The following ARSH variants were observed in gnomAD, a reference collection of about 807,000 sequenced individuals.
ARSH encodes the protein arylsulfatase H.
In ARSH, 32 loss-of-function variants were observed where a neutral mutation model predicts 28.7. The ratio of observed to expected loss-of-function variants is 1.11; its 90% CI spans 0.84 to 1.50. The LOEUF is 1.50. ARSH is among the 40% of genes most tolerant of loss of function. The pLI, the probability that ARSH is intolerant of heterozygous loss-of-function variation, is 0.00. For missense variants in ARSH, 440 were observed against 452.4 expected (o/e 0.97, Z 0.25); for synonymous variants, 176 against 177.3 (o/e 0.99, Z 0.06).
At chrX:3,031,132 CAA>C (rs145181081) in intron 8 of ARSH, among the ~76,000 whole-genome samples, 45 of 98,938 alleles carry the variant, frequency 4.5e-4, no homozygotes, top group South Asian at 2.9e-3. Flanking sequence ...GACACTGTCT[CAA>C]AAAAAAAAAA....
chrX:3,029,435 T>C, intron 8 of ARSH, 67 bp downstream of exon 8: 1 of 1,151,946 alleles, frequency 8.7e-7, no homozygotes, highest in Admixed American at 2.4e-5. Flanking sequence ...CTTCGTCTCC[T>C]GGCGGAAGCT....
intron 7 of ARSH, among the ~76,000 whole-genome samples, chrX:3,029,029 G>C: frequency 9.6e-6 from 1 of 103,968 alleles, no homozygotes; most frequent in Non-Finnish European, 2.0e-5. Flanking sequence ...AGTGAGCAGA[G>C]ATCGCACCAT....
At chrX:3,018,778 C>T in intron 5 of ARSH, 108 bp downstream of exon 5, 11 of 842,288 alleles carry the variant, frequency 1.3e-5, no homozygotes, top group African/African-American at 2.0e-5. Context: ...AGCATAGATA[C>T]CTGAAAAGTA....
At chrX:3,032,607 CAG>C (rs2089917606) in intron 8 of ARSH, among the ~76,000 whole-genome samples, 1 of 109,830 alleles carries the variant, frequency 9.1e-6, no homozygotes, top group Non-Finnish European at 1.9e-5. Context: ...GAGGGAGAGA[CAG>C]AAGAGGGAGG....
In ARSH at chrX:3,024,250, A is replaced by C; in HGVS notation, c.1036+95A>C. 3 of 920,957 alleles carry C rather than the reference A, an allele frequency of 3.3e-6. 1 individual carries two copies. The highest frequency in any genetic ancestry group is 6.5e-5 in the South Asian group (2 of 30,542). 75.9% of individuals were successfully genotyped at this position (920,957 alleles called of 1,213,427 possible). ...TGAATTCATTTGCCATGATGTTCAGATATTTTGATGTGAGTTAGACTCTTA... is the reference window on the plus strand; with the variant it reads ...TGAATTCATTTGCCATGATGTTCAGCTATTTTGATGTGAGTTAGACTCTTA... On this transcript the variant is annotated intron_variant, in intron 6 of 8. Transcript: ENST00000381130.
intron 2 of ARSH, 70 bp from the exon 3 acceptor site, chrX:3,012,977 T>C (rs2089855063): frequency 8.8e-7 from 1 of 1,140,654 alleles, no homozygotes; most frequent in African/African-American, 1.8e-5. Context: ...GAGAGGACTT[T>C]AAGCATGTCG....
chrX:3,015,501 A>T, intron 4 of ARSH, 108 bp downstream of exon 4: 1 of 803,447 alleles, frequency 1.2e-6, no homozygotes, highest in Non-Finnish European at 1.7e-6. Flanking sequence ...CTTGGAGAGA[A>T]TGTGCGGCAT....
At chrX:3,031,518 G>T (rs2089913795) in intron 8 of ARSH, among the ~76,000 whole-genome samples, 1 of 111,605 alleles carries the variant, frequency 9.0e-6, no homozygotes, top group Non-Finnish European at 1.9e-5. Flanking sequence ...ATTCTTACTT[G>T]GTTGGATTTA....
intron 6 of ARSH, among the ~76,000 whole-genome samples, chrX:3,024,711 GA>G (rs1255101542): frequency 9.0e-6 from 1 of 111,326 alleles, no homozygotes; most frequent in East Asian, 2.8e-4. Context: ...ATGTGGATCA[GA>G]AAAAAGAGTT....
intron 7 of ARSH, among the ~76,000 whole-genome samples, chrX:3,028,767 A>T (rs2089905453): frequency 9.0e-6 from 1 of 111,230 alleles, no homozygotes; most frequent in South Asian, 3.8e-4. Context: ...AAAATGAGGG[A>T]AAAGGAGAAA....
chrX:3,011,873 C>T (rs145656068), intron 2 of ARSH, among the ~76,000 whole-genome samples: 1,766 of 111,069 alleles, frequency 0.016, 34 homozygotes, highest in African/African-American at 0.053. Context: ...ATGGAGTTTC[C>T]TTCTTGTCAC....
chrX:3,019,433 A>G (rs1267778714), intron 5 of ARSH, among the ~76,000 whole-genome samples: 1 of 111,644 alleles, frequency 9.0e-6, no homozygotes, highest in Non-Finnish European at 1.9e-5. Flanking sequence ...AGTGTTCACT[A>G]TAAAGAAATG....
rs189222288 is a variant in ARSH, at chrX:3,023,265, A to G, written c.902-756A>G. ...ATATAGTATATATTTATATAAAGAT[A>G]TAAATTTATGATAAAATTTAATATA... On this transcript the variant is annotated intron_variant, in intron 5 of 8. Transcript: ENST00000381130. Among the ~76,000 whole-genome samples the G allele has an allele frequency of 2.6e-3, 268 of 105,087 alleles. 1 individual carries two copies. Among genetic ancestry groups the G allele is most frequent in the African/African-American group, 8.8e-3 (260 of 29,664 alleles). 91.3% of individuals were successfully genotyped at this position (105,087 alleles called of 115,157 possible).
At chrX:3,019,650 A>G (rs1396232365) in intron 5 of ARSH, among the ~76,000 whole-genome samples, 1 of 111,215 alleles carries the variant, frequency 9.0e-6, no homozygotes, top group Non-Finnish European at 1.9e-5. Context: ...TGCTCTGCCG[A>G]ACCATTGAAA....
In ARSH at chrX:3,018,575, A is replaced by G. The variant is rs1348070677; in HGVS notation, c.806A>G (p.His269Arg). 1 of 1,210,808 alleles carries G rather than the reference A, an allele frequency of 8.3e-7. No individual in the cohort carries two copies. The highest frequency in any genetic ancestry group is 3.0e-5 in the East Asian group (1 of 33,814). Residue 269 changes from histidine (H) to arginine (R), a missense_variant, in exon 5 of 9, where the codon CAC becomes CGC. Coordinates refer to ENST00000381130, the MANE Select transcript of ARSH (RefSeq NM_001011719.2). ...TTTCTCCTCTTTTTTTCCTTCCTGC[A>G]CGTACATACTCCACTCATCTCCAAA... Reference protein sequence around the residue: ...EPFLLFFSFLHVHTPLISKKK... With the variant: ...EPFLLFFSFLRVHTPLISKKK...
In ARSH at chrX:3,015,914, T is replaced by G. The variant is rs139335169; in HGVS notation, c.764+521T>G. On this transcript the variant is annotated intron_variant, in intron 4 of 8. Transcript: ENST00000381130. ...AAATAGTTAAATTTCCTGCAAATTTTGAATGCTCAAAAGGCAAAAAAACAA... is the reference window on the plus strand; with the variant it reads ...AAATAGTTAAATTTCCTGCAAATTTGGAATGCTCAAAAGGCAAAAAAACAA... Among the ~76,000 whole-genome samples, 582 of 111,500 alleles carry G rather than the reference T, an allele frequency of 5.2e-3. 4 individuals are homozygous for G. The highest frequency in any genetic ancestry group is 0.018 in the African/African-American group (558 of 30,736).
At chrX:3,030,848 C>A (rs1300926130) in intron 8 of ARSH, among the ~76,000 whole-genome samples, 5 of 111,028 alleles carry the variant, frequency 4.5e-5, no homozygotes, top group African/African-American at 1.6e-4. Flanking sequence ...CTATGAGGCC[C>A]CTCAAGCTGT....
chrX:3,033,683 A>G lies in ARSH; in HGVS notation c.*298A>G, dbSNP rs1669003412. The G allele has an allele frequency of 1.2e-5, 2 of 164,273 alleles. No individual in the cohort carries two copies. The highest frequency in any genetic ancestry group is 2.3e-5 in the Non-Finnish European group (2 of 86,059). The allele number at this position is 164,273 out of a possible 1,213,427, so 13.5% of individuals were successfully genotyped here. A position where few individuals can be genotyped will look rare whatever the true frequency, so the allele number is the denominator to read the frequency against. On this transcript the variant is annotated 3_prime_UTR_variant, in exon 9 of 9. Transcript: ENST00000381130. ...AGATTCTTGTAGAGCTTTTGTTCCT[A>G]GAATTCATGGAAGCATCAGGTCCAA...
chrX:3,029,810 C>T (rs1223193968), intron 8 of ARSH, among the ~76,000 whole-genome samples: 5 of 111,558 alleles, frequency 4.5e-5, no homozygotes, highest in African/African-American at 1.6e-4. Context: ...GGATTACAGG[C>T]GTGAGCCACC....
Sources: gnomAD v4.1 joint callset for allele counts (sites outside exome capture counted in the v4.1 genomes callset) on GRCh38, gnomAD v4.1.1 for gene constraint, MANE v1.5 for transcripts, NCBI Gene and HGNC (gene_info 2026-07-23, HGNC 2026-07-21) for gene names.